NRG3: variants seen among roughly 807,000 people sequenced by gnomAD.
NRG3 encodes pro-neuregulin-3, membrane-bound isoform.
NRG3 carries 31 observed loss-of-function variants against 66.9 expected under a neutral mutation model. That is an observed-to-expected ratio of 0.46 (90% confidence interval 0.35 to 0.63). The LOEUF (loss-of-function observed/expected upper bound fraction) is 0.63. NRG3 is among the 20% of genes least tolerant of loss of function. The probability of loss-of-function intolerance (pLI) is 0.00; values close to 1 mark genes in which losing one functional copy is unlikely to be tolerated. For missense variants in NRG3, 910 were observed against 878.9 expected, an observed-to-expected ratio of 1.04 and a Z score of -0.45; for synonymous variants, 393 against 359.4, an observed-to-expected ratio of 1.09 and a Z score of -1.06.
At chr10:82,529,425 G>T (rs1480213675) in intron 2 of NRG3, among the ~76,000 whole-genome samples, 2 of 152,188 alleles carry the variant, frequency 1.3e-5, no homozygotes, top group Non-Finnish European at 2.9e-5. Flanking sequence ...AAAAGTTCAG[G>T]CTTCCAGTTG....
chr10:82,877,203 CA>C lies in NRG3; in HGVS notation c.1054+11767del, dbSNP rs200806540. Among the ~76,000 whole-genome samples, 138 of 152,042 alleles carry C rather than the reference CA, an allele frequency of 9.1e-4. No homozygotes were observed. The East Asian group carries it at 0.02, about 22-fold the overall frequency. On this transcript the variant is annotated intron_variant, in intron 4 of 8. Coordinates refer to ENST00000372141, the MANE Select transcript of NRG3 (RefSeq NM_001010848.4). ...CAGATGCAGCAAAGTGAAGATGATACAGGTTCTTCTCAATAAGCAGAGTCTG... is the reference window on the plus strand; with the variant it reads ...CAGATGCAGCAAAGTGAAGATGATACGGTTCTTCTCAATAAGCAGAGTCTG...
chr10:82,210,557 A>G (rs1007446054), intron 1 of NRG3, among the ~76,000 whole-genome samples: 1 of 152,142 alleles, frequency 6.6e-6, no homozygotes, highest in Admixed American at 6.6e-5. Context: ...GTGCTGCAAG[A>G]AGCAATGTGT....
chr10:81,976,297 AAAGGT>A (rs1391055449), intron 1 of NRG3, among the ~76,000 whole-genome samples: 6 of 152,178 alleles, frequency 3.9e-5, no homozygotes, highest in Non-Finnish European at 8.8e-5. Context: ...TAGGCACTAT[AAAGGT>A]AAGGCCTGCT....
chr10:82,279,037 CTG>C, intron 1 of NRG3, among the ~76,000 whole-genome samples: 1 of 152,238 alleles, frequency 6.6e-6, no homozygotes, highest in East Asian at 1.9e-4. Context: ...CCTCATGGGA[CTG>C]TGAGTTGTGT....
At chr10:82,866,062 A>G (rs1840699282) in intron 4 of NRG3, among the ~76,000 whole-genome samples, 1 of 152,174 alleles carries the variant, frequency 6.6e-6, no homozygotes, top group Admixed American at 6.6e-5. Context: ...TGCATTCAAA[A>G]TTAGACCTAA....
At chr10:82,293,809 G>T (rs143014289) in intron 1 of NRG3, among the ~76,000 whole-genome samples, 434 of 152,056 alleles carry the variant, frequency 2.9e-3, no homozygotes, top group African/African-American at 9.7e-3. Context: ...TTAATATCTC[G>T]TAATTGCATA....
chr10:82,930,143 G>A lies in NRG3; in HGVS notation c.1055-21326G>A, dbSNP rs182819041. Among the ~76,000 whole-genome samples, 79 of 152,238 alleles carry A rather than the reference G, an allele frequency of 5.2e-4. 1 individual carries two copies. The highest frequency in any genetic ancestry group is 2.3e-3 in the South Asian group (11 of 4,828). On this transcript the variant is annotated intron_variant, in intron 4 of 8. Transcript: ENST00000372141. Reference sequence around the variant, plus strand: ...AGGTAATAACATGTGTGAGTAGCACGAGGCATTAAAAGAAAGAAGAGAGAT... The same window carrying A: ...AGGTAATAACATGTGTGAGTAGCACAAGGCATTAAAAGAAAGAAGAGAGAT...
At chr10:82,403,693 T>G (rs569179266) in intron 2 of NRG3, among the ~76,000 whole-genome samples, 1 of 152,228 alleles carries the variant, frequency 6.6e-6, no homozygotes, top group South Asian at 2.1e-4. Flanking sequence ...TGAAAACACT[T>G]AAGAGGGTGC....
intron 1 of NRG3, among the ~76,000 whole-genome samples, chr10:82,049,835 G>C (rs1025804436): frequency 6.6e-6 from 1 of 151,870 alleles, no homozygotes. Context: ...GTGTGACCCT[G>C]CTGGTTTGAG....
intron 1 of NRG3, among the ~76,000 whole-genome samples, chr10:81,887,737 T>G (rs79788614): frequency 0.031 from 4,649 of 152,246 alleles, 154 homozygotes; most frequent in African/African-American, 0.076. Flanking sequence ...AAATGCAATG[T>G]TGGTCCAAAA....
At chr10:82,700,961 G>C (rs1415260310) in intron 2 of NRG3, among the ~76,000 whole-genome samples, 1 of 152,018 alleles carries the variant, frequency 6.6e-6, no homozygotes, top group Non-Finnish European at 1.5e-5. Context: ...TTCTGAGCCT[G>C]AATTTTCCTA....
chr10:82,157,245 T>C (rs1464484103), intron 1 of NRG3, among the ~76,000 whole-genome samples: 1 of 151,760 alleles, frequency 6.6e-6, no homozygotes, highest in African/African-American at 2.4e-5. Flanking sequence ...AACTCAACAG[T>C]GAGCTGACTA....
At chr10:82,909,497 C>A (rs547713170) in intron 4 of NRG3, among the ~76,000 whole-genome samples, 1 of 152,112 alleles carries the variant, frequency 6.6e-6, no homozygotes, top group East Asian at 1.9e-4. Context: ...ATTCAGTGAC[C>A]CCAAGGGGAA....
At chr10:82,448,497 C>T (rs190155592) in intron 2 of NRG3, among the ~76,000 whole-genome samples, 5 of 152,262 alleles carry the variant, frequency 3.3e-5, no homozygotes, top group Admixed American at 3.3e-4. Context: ...TTTTCAAGGG[C>T]TCATATCTTA....
At chr10:82,189,810 T>G (rs534339702) in intron 1 of NRG3, among the ~76,000 whole-genome samples, 11 of 146,488 alleles carry the variant, frequency 7.5e-5, no homozygotes, top group African/African-American at 2.8e-4. Context: ...AATAAATAAA[T>G]AAATTAGCCA....
At chr10:82,809,082 A>G (rs983123928) in intron 3 of NRG3, among the ~76,000 whole-genome samples, 10 of 152,214 alleles carry the variant, frequency 6.6e-5, no homozygotes, top group Non-Finnish European at 1.2e-4. Context: ...AAGAGGGTCA[A>G]GGCCAGTTCA....
intron 3 of NRG3, among the ~76,000 whole-genome samples, chr10:82,752,267 A>G (rs936346177): frequency 3.3e-5 from 5 of 152,184 alleles, no homozygotes; most frequent in African/African-American, 1.2e-4. Context: ...AGTATCAAAC[A>G]GCATAAAGAG....
chr10:82,615,736 A>G (rs764085702), intron 2 of NRG3, among the ~76,000 whole-genome samples: 2 of 152,174 alleles, frequency 1.3e-5, no homozygotes, highest in Non-Finnish European at 2.9e-5. Flanking sequence ...TATTATCACA[A>G]CTGAAGAAAG....
chr10:82,085,001 T>C (rs543903369), intron 1 of NRG3, among the ~76,000 whole-genome samples: 1 of 152,164 alleles, frequency 6.6e-6, no homozygotes, highest in Non-Finnish European at 1.5e-5. Context: ...CCTCAGAAAA[T>C]GATTGCCTCA....
Sources: gnomAD v4.1 joint callset for allele counts (sites outside exome capture counted in the v4.1 genomes callset) on GRCh38, gnomAD v4.1.1 for gene constraint, MANE v1.5 for transcripts, NCBI Gene and HGNC (gene_info 2026-07-23, HGNC 2026-07-21) for gene names.